The following ZNF766 variants were observed in gnomAD, a reference collection of about 807,000 sequenced individuals.
ZNF766 encodes zinc finger protein 766.
A neutral mutation model predicts 13.2 loss-of-function variants in ZNF766; 13 were observed. The observed-to-expected ratio is 0.98, with a 90% confidence interval of 0.64 to 1.56. The LOEUF (loss-of-function observed/expected upper bound fraction) is 1.56, where lower values mean the gene tolerates loss of function less well. Ranked by LOEUF, ZNF766 falls within the 40% of genes most tolerant of loss-of-function variation. The pLI, the probability that ZNF766 is intolerant of heterozygous loss-of-function variation, is 0.00. For missense variants in ZNF766, 521 were observed against 552.2 expected (o/e 0.94, Z 0.57); for synonymous variants, 178 against 187.6 (o/e 0.95, Z 0.42).
rs1313679455 is a variant in ZNF766, at chr19:52,293,083, G to GT, written c.*1886dup. 3 of 151,862 alleles carry GT rather than the reference G, an allele frequency of 2.0e-5. No individual in the cohort carries two copies. Among genetic ancestry groups the GT allele is most frequent in the Middle Eastern group, 3.4e-3 (1 of 294 alleles). The allele number at this position is 151,862 out of a possible 1,614,324, so 9.4% of individuals were successfully genotyped here. ...ATGGGGTGTTTGGTCTTCTGTCACT[G>GT]TGATAGTTTGCTGAGAATGATGGTT... On this transcript the variant is annotated 3_prime_UTR_variant, in exon 4 of 4. Transcript: ENST00000439461.
In ZNF766 at chr19:52,293,501, A is replaced by G. The variant is rs1982238076; in HGVS notation, c.*2303A>G. On this transcript the variant is annotated 3_prime_UTR_variant, in exon 4 of 4. Coordinates refer to ENST00000439461, the MANE Select transcript of ZNF766 (RefSeq NM_001010851.3). Reference sequence around the variant, plus strand: ...GGATTTTTAAGGTTGAAGCATCCACAACAATTTTGTGTGTGAAATGAAATG... The same window carrying G: ...GGATTTTTAAGGTTGAAGCATCCACGACAATTTTGTGTGTGAAATGAAATG... 6.6e-6 allele frequency: 1 copy of G among 152,116 alleles called. No individual in the cohort carries two copies. The highest frequency in any genetic ancestry group is 2.4e-5 in the African/African-American group (1 of 41,426). The allele number at this position is 152,116 out of a possible 1,614,324, so 9.4% of individuals were successfully genotyped here. A position where few individuals can be genotyped will look rare whatever the true frequency, so the allele number is the denominator to read the frequency against.
intron 3 of ZNF766, among the ~76,000 whole-genome samples, chr19:52,285,565 G>C (rs1271102708): frequency 6.6e-6 from 1 of 152,238 alleles, no homozygotes; most frequent in Non-Finnish European, 1.5e-5. Flanking sequence ...ATGTGGGACA[G>C]GTATGGGGGA....
Position 52,290,153 on chromosome 19 carries a change from T to G in ZNF766, c.362T>G (p.Leu121Arg), listed in dbSNP as rs1306762778. 2 of 1,614,126 alleles carry G rather than the reference T, an allele frequency of 1.2e-6. No individual in the cohort carries two copies. Among genetic ancestry groups the G allele is most frequent in the Non-Finnish European group, 8.5e-7 (1 of 1,179,968 alleles). ...GLTFQLPLPE[L>R]EIFQGEGKIY... ...ACCTTTCAGTTACCTCTGCCAGAAC[T>G]GGAGATATTTCAAGGTGAAGGGAAG... The change falls in exon 4 of 4, where the codon CTG becomes CGG. Residue 121 changes from leucine to arginine, a missense_variant. Coordinates refer to ENST00000439461, the MANE Select transcript of ZNF766 (RefSeq NM_001010851.3).
In ZNF766 at chr19:52,291,241, C is replaced by T. The variant is rs1341395389; in HGVS notation, c.*43C>T. 1.9e-5 allele frequency: 29 copies of T among 1,510,576 alleles called. No homozygotes were observed. In the East Asian group the frequency reaches 2.9e-4, roughly 15 times the overall value. 93.6% of individuals were successfully genotyped at this position (1,510,576 alleles called of 1,614,324 possible). On this transcript the variant is annotated 3_prime_UTR_variant, in exon 4 of 4. Coordinates refer to ENST00000439461, the MANE Select transcript of ZNF766 (RefSeq NM_001010851.3). ...ATAAGTTCTAGCAGTAATCAACATC[C>T]GAGAGTCTATACTAGAAAGAAATCA...
Position 52,292,244 on chromosome 19 carries a change from A to C in ZNF766, c.*1046A>C, listed in dbSNP as rs777743482. On this transcript the variant is annotated 3_prime_UTR_variant, in exon 4 of 4. Coordinates refer to ENST00000439461, the MANE Select transcript of ZNF766 (RefSeq NM_001010851.3). ...TATCCAGTTTCCTGGAGGAATAAGGACACTGCCTTTTCAGATTAAAGATTG... is the reference window on the plus strand; with the variant it reads ...TATCCAGTTTCCTGGAGGAATAAGGCCACTGCCTTTTCAGATTAAAGATTG... The C allele has an allele frequency of 1.6e-5, 11 of 695,978 alleles. No individual in the cohort carries two copies. Among genetic ancestry groups the C allele is most frequent in the Non-Finnish European group, 2.6e-5 (10 of 383,128 alleles). The allele number at this position is 695,978 out of a possible 1,614,324, so 43.1% of individuals were successfully genotyped here. A position where few individuals can be genotyped will look rare whatever the true frequency, so the allele number is the denominator to read the frequency against.
At chr19:52,289,878 G>A (rs1414967496) in intron 3 of ZNF766, among the ~76,000 whole-genome samples, 188 bp from the exon 4 acceptor site, 1 of 152,168 alleles carries the variant, frequency 6.6e-6, no homozygotes, top group Non-Finnish European at 1.5e-5. Context: ...GCGGACGCCT[G>A]TAGTCCCAGC....
chr19:52,293,248 A>C lies in ZNF766; in HGVS notation c.*2050A>C, dbSNP rs1982228835. On this transcript the variant is annotated 3_prime_UTR_variant, in exon 4 of 4. Coordinates refer to ENST00000439461, the MANE Select transcript of ZNF766 (RefSeq NM_001010851.3). Reference sequence around the variant, plus strand: ...AAGTGCAATGGCACGATCTTGGCTCACTGCATCCTCTGCCTCCCGGGTTCA... The same window carrying C: ...AAGTGCAATGGCACGATCTTGGCTCCCTGCATCCTCTGCCTCCCGGGTTCA... 6.9e-6 allele frequency: 1 copy of C among 144,904 alleles called. No individual in the cohort carries two copies. The highest frequency in any genetic ancestry group is 1.5e-5 in the Non-Finnish European group (1 of 67,286). 9.0% of individuals were successfully genotyped at this position (144,904 alleles called of 1,614,324 possible).
chr19:52,277,072 G>C, intron 1 of ZNF766: 5 of 994,628 alleles, frequency 5.0e-6, no homozygotes, highest in Non-Finnish European at 4.8e-6. Flanking sequence ...CACAGGGTGA[G>C]GTCTTCCCTG....
Position 52,282,201 on chromosome 19 carries a change from G to T in ZNF766, c.109G>T (p.Val37Leu). 1 of 1,605,042 alleles carries T rather than the reference G, an allele frequency of 6.2e-7. No homozygotes were observed. Among genetic ancestry groups the T allele is most frequent in the South Asian group, 1.1e-5 (1 of 90,952 alleles). Residue 37 changes from valine to leucine, a missense_variant, in exon 2 of 4, where the codon GTG (valine) becomes TTG (leucine). Physicochemically the swap from Val to Leu is conservative, Grantham distance 32 (BLOSUM62 1). Coordinates refer to ENST00000439461, the MANE Select transcript of ZNF766 (RefSeq NM_001010851.3). ...TGTGCAGAAGGCTTTATACAGGGAT[G>T]TGATGTTGGAGAACTACAGGAACCT... ...DPVQKALYRDVMLENYRNLVS... is the reference protein window; with the variant it reads ...DPVQKALYRDLMLENYRNLVS...
chr19:52,286,226 A>T (rs767546957), intron 3 of ZNF766, among the ~76,000 whole-genome samples: 5 of 149,762 alleles, frequency 3.3e-5, no homozygotes, highest in Non-Finnish European at 7.4e-5. Flanking sequence ...CATTCTTTCA[A>T]TATTGAGTAT....
At chr19:52,288,018 T>C (rs28485851) in intron 3 of ZNF766, 20,160 of 431,286 alleles carry the variant, frequency 0.047, 1,444 homozygotes, top group African/African-American at 0.23. Context: ...TGTTCATTTT[T>C]TTCTTTTTCT....
chr19:52,288,142 T>C (rs1981926222), intron 3 of ZNF766: 1 of 319,376 alleles, frequency 3.1e-6, no homozygotes, highest in Non-Finnish European at 5.9e-6. Context: ...TGCCTCAGCC[T>C]CCCAAGTAGC....
chr19:52,271,308 C>G (rs1289649156), intron 1 of ZNF766, among the ~76,000 whole-genome samples: 1 of 152,174 alleles, frequency 6.6e-6, no homozygotes, highest in African/African-American at 2.4e-5. Context: ...CTGATTCTAT[C>G]TCCAGGTAGA....
Position 52,283,330 on chromosome 19 carries a change from G to A in ZNF766, c.191G>A (p.Arg64Lys). ...AGTATTATCTCCATGATGAAGCAAA[G>A]GACAGAGCCCTGGACTGTGGAGAAT... The part of the protein sequence containing the change: ...DLSIISMMKQ[R>K]TEPWTVENEM... The change falls in exon 3 of 4, where the codon AGG (arginine) becomes AAG (lysine). Residue 64 changes from arginine to lysine, a missense_variant. Arg to Lys is a conservative substitution (Grantham distance 26, BLOSUM62 2). Coordinates refer to ENST00000439461, the MANE Select transcript of ZNF766 (RefSeq NM_001010851.3). 1.9e-6 allele frequency: 3 copies of A among 1,613,912 alleles called. No homozygotes were observed. The highest frequency in any genetic ancestry group is 8.5e-7 in the Non-Finnish European group (1 of 1,179,906).
intron 1 of ZNF766, among the ~76,000 whole-genome samples, chr19:52,280,470 CTA>C (rs1159283765): frequency 6.6e-6 from 1 of 152,162 alleles, no homozygotes; most frequent in African/African-American, 2.4e-5. Flanking sequence ...ACTTTATAAA[CTA>C]AGTGTGTGTA....
chr19:52,292,207 G>A lies in ZNF766; in HGVS notation c.*1009G>A. 1.4e-6 allele frequency: 1 copy of A among 702,544 alleles called. No homozygotes were observed. Among genetic ancestry groups the A allele is most frequent in the Non-Finnish European group, 2.6e-6 (1 of 384,768 alleles). 43.5% of individuals were successfully genotyped at this position (702,544 alleles called of 1,614,324 possible). ...GATGACAGGGCTGACTTCATTAGAT[G>A]AGGAGCGTTTCTATCCAGTTTCCTG... On this transcript the variant is annotated 3_prime_UTR_variant, in exon 4 of 4. Transcript: ENST00000439461.
At position 52,269,627 on chromosome 19, in the gene ZNF766, G is replaced by A. The variant is rs200070746; in HGVS notation, c.14G>A (p.Arg5Gln). 7.4e-6 allele frequency: 12 copies of A among 1,612,738 alleles called. No homozygotes were observed. Among genetic ancestry groups the A allele is most frequent in the Non-Finnish European group, 1.0e-5 (12 of 1,179,700 alleles). The change falls in exon 1 of 4, where the codon CGG becomes CAG. Residue 5 changes from arginine (R) to glutamine (Q), a missense_variant. Transcript: ENST00000439461. MAQLRRGHLTFRDVA... is the reference protein window; with the variant it reads MAQLQRGHLTFRDVA... ...TGGCGTGGAGATATGGCGCAACTGC[G>A]GCGCGTGAGTTTTCCTTTGTTTAGA...
In ZNF766 at chr19:52,290,512, A is replaced by T; in HGVS notation, c.721A>T (p.Lys241Ter). The change falls in exon 4 of 4, where the codon AAA becomes TAA. Residue 241 changes from lysine (K) to a stop codon, truncating the protein, a stop_gained. Coordinates refer to ENST00000439461, the MANE Select transcript of ZNF766 (RefSeq NM_001010851.3). LOFTEE classifies it low-confidence loss of function (END_TRUNC). ...AEHWRIRTGE[K>*]PYKCKECGKL... ...ACATTGGAGAATTCGTACAGGAGAG[A>T]AACCTTACAAATGTAAAGAGTGTGG... The T allele has an allele frequency of 6.2e-7, 1 of 1,614,186 alleles. No homozygotes were observed. The highest frequency in any genetic ancestry group is 8.5e-7 in the Non-Finnish European group (1 of 1,180,004).
chr19:52,290,011 C>G, intron 3 of ZNF766, 55 bp from the exon 4 acceptor site: 1 of 1,522,156 alleles, frequency 6.6e-7, no homozygotes, highest in Non-Finnish European at 8.8e-7. Context: ...AAAAAAAGTG[C>G]AAAAAACATG....
Sources: gnomAD v4.1 joint callset for allele counts (sites outside exome capture counted in the v4.1 genomes callset) on GRCh38, gnomAD v4.1.1 for gene constraint, MANE v1.5 for transcripts, NCBI Gene and HGNC (gene_info 2026-07-23, HGNC 2026-07-21) for gene names.